The following KCNJ15 variants were observed in gnomAD, a reference collection of about 807,000 sequenced individuals.
The protein encoded by KCNJ15 is potassium inwardly rectifying channel subfamily J member 15.
In KCNJ15, 14 loss-of-function variants were observed where a neutral mutation model predicts 23.0. The ratio of observed to expected loss-of-function variants is 0.61; its 90% CI spans 0.40 to 0.95. The LOEUF is 0.95. Among genes scored for constraint, KCNJ15 ranks in the 40% least tolerant of loss-of-function variants. The pLI is 0.00. For missense variants in KCNJ15, 388 were observed against 461.8 expected, an observed-to-expected ratio of 0.84 and a Z score of 1.46; for synonymous variants, 185 against 183.2, an observed-to-expected ratio of 1.01 and a Z score of -0.08.
At chr21:38,243,351 A>G (rs149920428) in intron 1 of KCNJ15, among the ~76,000 whole-genome samples, 79 of 152,246 alleles carry the variant, frequency 5.2e-4, no homozygotes, top group African/African-American at 1.9e-3. Context: ...CAAAAGGTGT[A>G]TTTTATAGTA....
rs767767908 is a variant in KCNJ15 at position 38,251,378 on chromosome 21, G to A, written c.-398-5668G>A. ...AATTTGAATAAGGCAAGAGGAAACC[G>A]GATCACCGTTGGGTTCATGTCAGTG... On this transcript the variant is annotated intron_variant, in intron 1 of 4. Transcript: ENST00000547341. Among the ~76,000 whole-genome samples the A allele has an allele frequency of 2.1e-4, 32 of 152,262 alleles. 1 individual carries two copies. The highest frequency in any genetic ancestry group is 2.1e-4 in the South Asian group (1 of 4,826).
chr21:38,244,047 T>G (rs1601131332), intron 1 of KCNJ15, among the ~76,000 whole-genome samples: 2 of 152,246 alleles, frequency 1.3e-5, no homozygotes, highest in East Asian at 3.8e-4. Flanking sequence ...GCTTGGGTCT[T>G]TATTTCATTT....
intron 1 of KCNJ15, among the ~76,000 whole-genome samples, chr21:38,251,685 C>T (rs1349303039): frequency 6.6e-6 from 1 of 152,166 alleles, no homozygotes; most frequent in Admixed American, 6.5e-5. Context: ...TAACAGCTGA[C>T]TTCAAAAGAG....
chr21:38,241,577 T>C lies in KCNJ15; in HGVS notation c.-398-15469T>C, dbSNP rs189055781. ...TTACAGTGTGAAATGCTGAGGCAAC[T>C]ACCTAAATAAATCTGGGCAAAATAT... On this transcript the variant is annotated intron_variant, in intron 1 of 4. Coordinates refer to the KCNJ15 transcript ENST00000547341. 2.6e-5 allele frequency among the ~76,000 whole-genome samples: 4 copies of C among 152,314 alleles called. No individual in the cohort carries two copies. In the East Asian group the frequency reaches 7.7e-4, roughly 29 times the overall value.
intron 1 of KCNJ15, among the ~76,000 whole-genome samples, chr21:38,267,731 T>C (rs1981611201): frequency 6.6e-6 from 1 of 152,192 alleles, no homozygotes; most frequent in South Asian, 2.1e-4. Context: ...ACTGAGAGAT[T>C]ATCATTTGGC....
At chr21:38,257,730 G>A (rs946852770) in intron 1 of KCNJ15, among the ~76,000 whole-genome samples, 15 of 152,210 alleles carry the variant, frequency 9.9e-5, no homozygotes, top group Non-Finnish European at 1.9e-4. Context: ...GAAATATTAT[G>A]AACTTTGTTC....
At chr21:38,259,581 C>G (rs1980669201) in intron 1 of KCNJ15, among the ~76,000 whole-genome samples, 1 of 152,186 alleles carries the variant, frequency 6.6e-6, no homozygotes, top group Non-Finnish European at 1.5e-5. Context: ...TTAATATTAA[C>G]TTTTATGTCT....
At position 38,306,744 on chromosome 21, in the gene KCNJ15, G is replaced by A. The variant is rs1056669197; in HGVS notation, c.*6355G>A. 3.9e-5 allele frequency: 6 copies of A among 152,290 alleles called. No individual in the cohort carries two copies. Among genetic ancestry groups the A allele is most frequent in the Middle Eastern group, 3.4e-3 (1 of 294 alleles). The allele number at this position is 152,290 out of a possible 1,614,324, so 9.4% of individuals were successfully genotyped here. On this transcript the variant is annotated 3_prime_UTR_variant, in exon 3 of 3. Coordinates refer to ENST00000398938, the MANE Select transcript of KCNJ15 (RefSeq NM_170736.3). ...GCAGCCGACTTGGATCCATTTTTGA[G>A]GAATTATTTCTGTAAGGTGTCATGG...
intron 1 of KCNJ15, among the ~76,000 whole-genome samples, chr21:38,284,657 A>G (rs1309404709): frequency 1.3e-5 from 2 of 152,182 alleles, no homozygotes; most frequent in Admixed American, 6.5e-5. Context: ...TAAAACCCCA[A>G]GATACTCCTT....
chr21:38,276,944 G>T (rs1232456352), intron 1 of KCNJ15, among the ~76,000 whole-genome samples: 2 of 151,602 alleles, frequency 1.3e-5, no homozygotes, highest in Non-Finnish European at 2.9e-5. Context: ...ATCTAAAAAT[G>T]ACCACTTAAT....
At chr21:38,287,726 C>G (rs543664460) in intron 1 of KCNJ15, among the ~76,000 whole-genome samples, 3 of 152,266 alleles carry the variant, frequency 2.0e-5, no homozygotes, top group Non-Finnish European at 4.4e-5. Flanking sequence ...TTTTCTTACA[C>G]TGTACAGTGA....
chr21:38,238,456 T>C, intron 1 of KCNJ15: 1 of 664,090 alleles, frequency 1.5e-6, no homozygotes, highest in Non-Finnish European at 2.9e-6. Context: ...GTCCTTGGCC[T>C]GGCGGTCTCC....
intron 1 of KCNJ15, chr21:38,238,339 A>C: frequency 1.4e-6 from 1 of 717,600 alleles, no homozygotes; most frequent in Non-Finnish European, 2.6e-6. Flanking sequence ...GAGGGTACTC[A>C]GGAAAGGCAG....
chr21:38,265,368 T>G (rs1179195343), intron 1 of KCNJ15, among the ~76,000 whole-genome samples: 1 of 152,214 alleles, frequency 6.6e-6, no homozygotes, highest in Non-Finnish European at 1.5e-5. Flanking sequence ...ATATGTACAT[T>G]TAAACATGAA....
At chr21:38,255,165 C>T (rs941488266), upstream of KCNJ15, among the ~76,000 whole-genome samples, 2 of 152,122 alleles carry the variant, frequency 1.3e-5, no homozygotes, top group Non-Finnish European at 2.9e-5. Context: ...TGGATCAGGA[C>T]CAGATCAGAT....
chr21:38,285,658 G>C (rs949108267), intron 1 of KCNJ15: 2 of 152,200 alleles, frequency 1.3e-5, no homozygotes, highest in Admixed American at 6.5e-5. Flanking sequence ...GCCAGATGTG[G>C]GCTGAGAGGG....
At chr21:38,253,818 G>A (rs1979999052), upstream of KCNJ15, among the ~76,000 whole-genome samples, 1 of 152,114 alleles carries the variant, frequency 6.6e-6, no homozygotes, top group Non-Finnish European at 1.5e-5. Flanking sequence ...AGACTTCTAT[G>A]TATTTTCTAT....
intron 1 of KCNJ15, among the ~76,000 whole-genome samples, chr21:38,233,935 G>A (rs145700514): frequency 1.3e-5 from 2 of 151,630 alleles, no homozygotes; most frequent in Admixed American, 6.6e-5. Flanking sequence ...TTTTAAAGAA[G>A]CTGAGAGAAG....
chr21:38,247,117 G>GATGGATGC (rs1979447467), intron 1 of KCNJ15, among the ~76,000 whole-genome samples: 1 of 146,120 alleles, frequency 6.8e-6, no homozygotes, highest in African/African-American at 2.6e-5. Context: ...TGGATGGATG[G>GATGGATGC]ATGGATGGAT....
Sources: allele counts gnomAD v4.1 joint callset (sites outside exome capture counted in the v4.1 genomes callset), GRCh38; gene constraint gnomAD v4.1.1; transcripts MANE v1.5; gene names NCBI Gene and HGNC (gene_info 2026-07-23, HGNC 2026-07-21).